CDH11: variants seen among roughly 807,000 people sequenced by gnomAD.
CDH11 encodes the protein cadherin-11.
CDH11 carries 11 observed loss-of-function variants against 67.8 expected under a neutral mutation model. That is an observed-to-expected ratio of 0.16 (90% CI 0.10 to 0.27). The LOEUF is 0.27. Among genes scored for constraint, CDH11 ranks in the 10% least tolerant of loss-of-function variants. The pLI is 1.00. For missense variants in CDH11, 847 were observed against 1,031.2 expected (o/e 0.82, Z 2.45); for synonymous variants, 419 against 400.0 (o/e 1.05, Z -0.57).
At chr16:65,001,490 C>T (rs1268850524) in intron 3 of CDH11, among the ~76,000 whole-genome samples, 1 of 152,086 alleles carries the variant, frequency 6.6e-6, no homozygotes, top group Non-Finnish European at 1.5e-5. Flanking sequence ...AGGGCAAGGA[C>T]ATACGAATGA....
At position 64,947,121 on chromosome 16, in the gene CDH11, G is replaced by T. The variant is rs1193010923; in HGVS notation, c.*482C>A. 1.9e-6 allele frequency: 2 copies of T among 1,038,552 alleles called. No individual in the cohort carries two copies. The highest frequency in any genetic ancestry group is 1.2e-4 in the East Asian group (2 of 16,910). The allele number at this position is 1,038,552 out of a possible 1,614,324, so 64.3% of individuals were successfully genotyped here. On this transcript the variant is annotated 3_prime_UTR_variant, in exon 13 of 13. Coordinates refer to ENST00000268603, the MANE Select transcript of CDH11 (RefSeq NM_001797.4). ...TTGTACATTGTATTGTACATACATT[G>T]TATGGGTTTAAGCTGGCTGAATATT...
chr16:65,091,153 C>T (rs2074785867), intron 1 of CDH11, among the ~76,000 whole-genome samples: 1 of 152,178 alleles, frequency 6.6e-6, no homozygotes, highest in Non-Finnish European at 1.5e-5. Context: ...CATGTAGCTA[C>T]AACTCCTTTG....
intron 11 of CDH11, among the ~76,000 whole-genome samples, chr16:64,965,955 A>G (rs1260176192): frequency 6.6e-6 from 1 of 152,120 alleles, no homozygotes; most frequent in Non-Finnish European, 1.5e-5. Context: ...ACTTGGATTA[A>G]TTGTAAATGT....
At chr16:65,043,762 G>A (rs960778815) in intron 2 of CDH11, among the ~76,000 whole-genome samples, 1 of 152,116 alleles carries the variant, frequency 6.6e-6, no homozygotes, top group Non-Finnish European at 1.5e-5. Context: ...AAAGTTAAAA[G>A]GAATGAAGCG....
chr16:64,965,057 ACC>A (rs2071775702), intron 11 of CDH11, among the ~76,000 whole-genome samples: 2 of 151,414 alleles, frequency 1.3e-5, no homozygotes, highest in African/African-American at 4.9e-5. Context: ...TTATTTTTTA[ACC>A]TTTTAAATAT....
At chr16:65,059,101 T>G (rs1044285329) in intron 1 of CDH11, among the ~76,000 whole-genome samples, 8 of 152,220 alleles carry the variant, frequency 5.3e-5, no homozygotes, top group Non-Finnish European at 1.0e-4. Flanking sequence ...GCAAAATTTT[T>G]TTTTCAGATG....
intron 11 of CDH11, among the ~76,000 whole-genome samples, chr16:64,953,297 C>G (rs1597008431): frequency 7.1e-6 from 1 of 140,794 alleles, no homozygotes; most frequent in South Asian, 2.2e-4. Context: ...TATATACACA[C>G]ACATATATAT....
upstream of CDH11, among the ~76,000 whole-genome samples, chr16:65,123,092 G>A (rs1323734815): frequency 6.6e-6 from 1 of 152,170 alleles, no homozygotes; most frequent in African/African-American, 2.4e-5. Context: ...CGAGTCGCCG[G>A]GAGAAAGGGC....
chr16:65,049,718 A>G (rs1052559531), intron 2 of CDH11, among the ~76,000 whole-genome samples: 5 of 152,154 alleles, frequency 3.3e-5, no homozygotes, highest in Non-Finnish European at 7.4e-5. Context: ...TCATTAGTTG[A>G]TTGTGGTGAT....
At chr16:64,990,105 C>T (rs916698680) in intron 6 of CDH11, among the ~76,000 whole-genome samples, 4 of 152,138 alleles carry the variant, frequency 2.6e-5, no homozygotes, top group Admixed American at 1.3e-4. Flanking sequence ...TTCAAGTTCA[C>T]GGCAGTGAAA....
At chr16:65,045,357 A>ATC (rs1421780016) in intron 2 of CDH11, among the ~76,000 whole-genome samples, 1 of 104,050 alleles carries the variant, frequency 9.6e-6, no homozygotes, top group Non-Finnish European at 2.0e-5. Flanking sequence ...ATATATATAT[A>ATC]TATATATATA....
intron 12 of CDH11, among the ~76,000 whole-genome samples, chr16:64,949,438 T>C (rs1340808864): frequency 2.0e-5 from 3 of 149,742 alleles, no homozygotes; most frequent in East Asian, 2.0e-4. Flanking sequence ...TTTTTTTTTT[T>C]TTTTTGAGAC....
At chr16:65,115,724 AAAAAAC>A (rs1567589033) in intron 1 of CDH11, among the ~76,000 whole-genome samples, 3 of 147,410 alleles carry the variant, frequency 2.0e-5, no homozygotes, top group African/African-American at 5.1e-5. Flanking sequence ...AAAAAAAACA[AAAAAAC>A]AAAACCTCAG....
At chr16:64,972,143 T>A in intron 9 of CDH11, 79 bp from the exon 10 acceptor site, 4 of 1,318,950 alleles carry the variant, frequency 3.0e-6, no homozygotes, top group Non-Finnish European at 4.3e-6. Flanking sequence ...TGGGAAAGAG[T>A]AAGCTCCAGC....
At chr16:65,043,179 A>C (rs545935154) in intron 2 of CDH11, among the ~76,000 whole-genome samples, 1 of 152,354 alleles carries the variant, frequency 6.6e-6, no homozygotes, top group South Asian at 2.1e-4. Flanking sequence ...TACCTAGTAC[A>C]GTGTTTAGCA....
At chr16:65,074,654 C>T (rs1023129935) in intron 1 of CDH11, among the ~76,000 whole-genome samples, 2 of 151,998 alleles carry the variant, frequency 1.3e-5, no homozygotes, top group African/African-American at 4.8e-5. Flanking sequence ...TATCTTCCCC[C>T]AGAATATGTG....
At chr16:65,093,358 C>T (rs1266599070) in intron 1 of CDH11, among the ~76,000 whole-genome samples, 3 of 151,638 alleles carry the variant, frequency 2.0e-5, no homozygotes, top group African/African-American at 7.3e-5. Flanking sequence ...AACAATGAGG[C>T]TAAAAAGGAA....
Position 65,094,442 on chromosome 16 carries a change from T to C in CDH11, c.-298+27438A>G, listed in dbSNP as rs187498075. On this transcript the variant is annotated intron_variant, in intron 1 of 12. Coordinates refer to ENST00000268603, the MANE Select transcript of CDH11 (RefSeq NM_001797.4). The stretch of plus-strand genomic sequence containing the variant: ...ACAGAAAACTACACACACACACACA[T>C]ACACACACACACACACAGTAGATAT... Among the ~76,000 whole-genome samples the C allele has an allele frequency of 4.1e-3, 610 of 148,394 alleles. 7 individuals are homozygous for C. Among genetic ancestry groups the C allele is most frequent in the African/African-American group, 0.015 (586 of 40,316 alleles).
rs1272297949 is a variant in CDH11 at position 64,947,257 on chromosome 16, T to C, written c.*346A>G. ...ATTTTGTGGAAGCTTCTTTGACAACTTAAAAAAGAAGAAAGACTTGGATGT... is the reference window on the plus strand; with the variant it reads ...ATTTTGTGGAAGCTTCTTTGACAACCTAAAAAAGAAGAAAGACTTGGATGT... On this transcript the variant is annotated 3_prime_UTR_variant, in exon 13 of 13. Coordinates refer to ENST00000268603, the MANE Select transcript of CDH11 (RefSeq NM_001797.4). The C allele has an allele frequency of 4.5e-6, 5 of 1,107,712 alleles. No individual in the cohort carries two copies. Among genetic ancestry groups the C allele is most frequent in the African/African-American group, 3.2e-5 (2 of 61,744 alleles). 68.6% of individuals were successfully genotyped at this position (1,107,712 alleles called of 1,614,324 possible). A position where few individuals can be genotyped will look rare whatever the true frequency, so the allele number is the denominator to read the frequency against.
Sources: gnomAD v4.1 joint callset for allele counts (sites outside exome capture counted in the v4.1 genomes callset) on GRCh38, gnomAD v4.1.1 for gene constraint, MANE v1.5 for transcripts, NCBI Gene and HGNC (gene_info 2026-07-23, HGNC 2026-07-21) for gene names.